DST: variants seen among roughly 807,000 people sequenced by gnomAD.
DST encodes bullous pemphigoid antigen.
A neutral mutation model predicts 875.2 loss-of-function variants in DST; 253 were observed. That is an observed-to-expected ratio of 0.29 (90% CI 0.26 to 0.32). The LOEUF is 0.32. Ranked by LOEUF, DST falls within the 10% of genes least tolerant of loss-of-function variation. The pLI, the probability that DST is intolerant of heterozygous loss-of-function variation, is 1.00. For missense variants in DST, 8,287 were observed against 9,111.6 expected (o/e 0.91, Z 3.68); for synonymous variants, 3,124 against 3,197.1 (o/e 0.98, Z 0.77).
intron 3 of DST, among the ~76,000 whole-genome samples, chr6:56,852,667 T>G (rs1041832170): frequency 6.6e-6 from 1 of 152,258 alleles, no homozygotes; most frequent in African/African-American, 2.4e-5. Context: ...TGCAAAATTA[T>G]AAACATAACG....
intron 2 of DST, among the ~76,000 whole-genome samples, chr6:56,938,081 T>C (rs1813974994): frequency 2.1e-5 from 1 of 47,956 alleles, no homozygotes; most frequent in Non-Finnish European, 4.3e-5. Context: ...TCTCTCTCTC[T>C]TTCTCTCTCT....
intron 4 of DST, among the ~76,000 whole-genome samples, chr6:56,778,692 G>T (rs141376535): frequency 0.015 from 2,322 of 151,818 alleles, 69 homozygotes; most frequent in African/African-American, 0.054. Flanking sequence ...CTTGATCCAT[G>T]TCCCTACAAA....
At chr6:56,710,091 C>A (rs1187591165) in intron 5 of DST, among the ~76,000 whole-genome samples, 1 of 152,090 alleles carries the variant, frequency 6.6e-6, no homozygotes, top group African/African-American at 2.4e-5. Flanking sequence ...TATCTCTGAC[C>A]AATATAAAAG....
At chr6:56,521,164 TTAGTC>T in intron 69 of DST, among the ~76,000 whole-genome samples, 1 of 152,180 alleles carries the variant, frequency 6.6e-6, no homozygotes, top group East Asian at 1.9e-4. Context: ...GAAGTGAAAG[TTAGTC>T]TTCTGTGGAT....
At chr6:56,640,122 G>A in intron 18 of DST, 21 bp downstream of exon 18, 8 of 1,612,908 alleles carry the variant, frequency 5.0e-6, no homozygotes, top group South Asian at 1.1e-5. Context: ...AAACACTCAG[G>A]TAAAGTAAAC....
At chr6:56,593,473 C>A (rs947868795) in intron 48 of DST, among the ~76,000 whole-genome samples, 190 bp downstream of exon 48, 13 of 141,008 alleles carry the variant, frequency 9.2e-5, no homozygotes, top group Admixed American at 8.5e-4. Flanking sequence ...GCCGAGATCA[C>A]GCCACTGCAC....
intron 9 of DST, among the ~76,000 whole-genome samples, chr6:56,699,074 T>A (rs1420490987): frequency 6.6e-6 from 1 of 152,242 alleles, no homozygotes; most frequent in Non-Finnish European, 1.5e-5. Flanking sequence ...TTCTTTTTAA[T>A]GTATCACTTC....
At chr6:56,856,103 C>G (rs1377607773) in intron 3 of DST, among the ~76,000 whole-genome samples, 1 of 152,166 alleles carries the variant, frequency 6.6e-6, no homozygotes, top group Admixed American at 6.5e-5. Flanking sequence ...TCCTGATAGC[C>G]CATTCATTCG....
chr6:56,573,272 T>C (rs927566646), intron 51 of DST, among the ~76,000 whole-genome samples: 4 of 152,134 alleles, frequency 2.6e-5, no homozygotes, highest in East Asian at 1.9e-4. Context: ...AGCTGGCTAG[T>C]TGGTCGAAAG....
chr6:56,824,143 CG>C (rs1554172595), intron 4 of DST, among the ~76,000 whole-genome samples: 10 of 151,554 alleles, frequency 6.6e-5, no homozygotes, highest in Non-Finnish European at 1.5e-5. Context: ...CGAGTGCCTG[CG>C]ATTGCAGGCG....
chr6:56,837,145 T>C (rs893957003), intron 4 of DST, among the ~76,000 whole-genome samples: 1 of 152,192 alleles, frequency 6.6e-6, no homozygotes, highest in Non-Finnish European at 1.5e-5. Flanking sequence ...CACTACTTGC[T>C]GTATTTCCAA....
At chr6:56,865,967 G>GC (rs1773834596) in intron 3 of DST, among the ~76,000 whole-genome samples, 1 of 148,674 alleles carries the variant, frequency 6.7e-6, no homozygotes, top group Admixed American at 6.7e-5. Flanking sequence ...TTAGAGCTAT[G>GC]TTTTTTTTTT....
chr6:56,806,062 G>A (rs1027995297), intron 4 of DST, among the ~76,000 whole-genome samples: 23 of 152,192 alleles, frequency 1.5e-4, no homozygotes, highest in Admixed American at 1.3e-3. Context: ...TCAAAACAGT[G>A]GACTTTCTGA....
In DST at chr6:56,476,191, G is replaced by A. The variant is rs1017088575; in HGVS notation, c.21822C>T (p.Pro7274=). Reference sequence around the variant, plus strand: ...GTGCTTTCACCTCTTCGATCTCCTGGGGGATGACTTCTTTATCCTTATCAG... The same window carrying A: ...GTGCTTTCACCTCTTCGATCTCCTGAGGGATGACTTCTTTATCCTTATCAG... ...TLTDKDKEVI[P]QEIEEVKALI... The change falls in exon 92 of 104, where the codon CCC becomes CCT. Residue 7274 remains proline, a synonymous_variant. Transcript: ENST00000680361. The A allele has an allele frequency of 6.2e-7, 1 of 1,612,896 alleles. No individual in the cohort carries two copies. The highest frequency in any genetic ancestry group is 8.5e-7 in the Non-Finnish European group (1 of 1,179,436).
At chr6:56,620,058 T>C in intron 36 of DST, 1 of 1,613,892 alleles carries the variant, frequency 6.2e-7, no homozygotes. Flanking sequence ...GTATACTGAA[T>C]TTCAGTTATT....
intron 49 of DST, among the ~76,000 whole-genome samples, 178 bp downstream of exon 49, chr6:56,592,004 T>C (rs867812933): frequency 7.9e-6 from 1 of 125,810 alleles, no homozygotes; most frequent in African/African-American, 2.9e-5. Flanking sequence ...AAAAAAAAAA[T>C]TCGGAAAAAA....
At chr6:56,910,037 G>A (rs1469973924) in intron 2 of DST, among the ~76,000 whole-genome samples, 1 of 152,138 alleles carries the variant, frequency 6.6e-6, no homozygotes, top group Non-Finnish European at 1.5e-5. Context: ...AAGGAAAGTG[G>A]GGCAAAATAT....
chr6:56,908,188 ATAT>A (rs974153867), intron 2 of DST, among the ~76,000 whole-genome samples: 1 of 152,140 alleles, frequency 6.6e-6, no homozygotes, highest in African/African-American at 2.4e-5. Flanking sequence ...CCATATGTAA[ATAT>A]TATAAAGCTC....
intron 36 of DST, 106 bp from the exon 37 acceptor site, chr6:56,614,590 A>C: frequency 7.4e-7 from 1 of 1,345,732 alleles, no homozygotes; most frequent in Non-Finnish European, 9.5e-7. Flanking sequence ...TTTTCATCAC[A>C]CACAGGTTAC....
Sources: gnomAD v4.1 joint callset for allele counts (sites outside exome capture counted in the v4.1 genomes callset) on GRCh38, gnomAD v4.1.1 for gene constraint, MANE v1.5 for transcripts, NCBI Gene and HGNC (gene_info 2026-07-23, HGNC 2026-07-21) for gene names.